The following FDPS variants were observed in gnomAD, a reference collection of about 807,000 sequenced individuals.
FDPS encodes farnesyl diphosphate synthase, also known as farnesyl pyrophosphate synthase.
Under a neutral mutation model 49.5 loss-of-function variants are expected in FDPS, and 29 were observed. The observed-to-expected ratio is 0.59, with a 90% confidence interval of 0.44 to 0.80. The LOEUF is 0.80. Ranked by LOEUF, FDPS falls within the 30% of genes least tolerant of loss-of-function variation. The probability of loss-of-function intolerance (pLI) is 0.00; values close to 1 mark genes in which losing one functional copy is unlikely to be tolerated. For synonymous variants in FDPS, 172 were observed against 206.4 expected, an observed-to-expected ratio of 0.83 and a Z score of 1.43; for missense variants, 414 against 525.6, an observed-to-expected ratio of 0.79 and a Z score of 2.08.
chr1:155,319,901 C>T lies in FDPS; in HGVS notation c.1032C>T (p.Ala344=), dbSNP rs1286445148. The T allele has an allele frequency of 6.2e-7, 1 of 1,614,048 alleles. No homozygotes were observed. Among genetic ancestry groups the T allele is most frequent in the Non-Finnish European group, 8.5e-7 (1 of 1,180,028 alleles). ...SWLVVQCLQR[A]TPEQYQILKE... is the part of the protein sequence containing the mutation. Reference sequence around the variant, plus strand: ...TGGTGGTTCAGTGTCTGCAACGGGCCACTCCAGAACAGTACCAGATCCTGA... The same window carrying T: ...TGGTGGTTCAGTGTCTGCAACGGGCTACTCCAGAACAGTACCAGATCCTGA... Residue 344 remains alanine, a synonymous_variant, in exon 10 of 11, where the codon GCC becomes GCT. Coordinates refer to ENST00000368356, the MANE Select transcript of FDPS (RefSeq NM_002004.4).
At chr1:155,319,031 G>A (rs1033015892) in intron 8 of FDPS, 103 bp downstream of exon 8, 3 of 849,188 alleles carry the variant, frequency 3.5e-6, no homozygotes, top group Non-Finnish European at 5.9e-6. Context: ...GTGAAAAACT[G>A]TGTGACCTTG....
At chr1:155,316,362 T>C (rs547587816) in intron 4 of FDPS, among the ~76,000 whole-genome samples, 1 of 138,304 alleles carries the variant, frequency 7.2e-6, no homozygotes, top group African/African-American at 2.9e-5. Flanking sequence ...TGTGTGCCTA[T>C]ATCCCTAGAT....
chr1:155,311,103 C>T (rs1648752758), intron 3 of FDPS, among the ~76,000 whole-genome samples: 1 of 152,130 alleles, frequency 6.6e-6, no homozygotes, highest in Non-Finnish European at 1.5e-5. Flanking sequence ...CTTTGGGAGG[C>T]TGAGGTGGGG....
Position 155,309,785 on chromosome 1 carries a change from C to T in FDPS, c.-1-4C>T, listed in dbSNP as rs771984313. ...TTAGTGCCCCCTCCCTATGCCACTC[C>T]CAGGATGCCCCTGTCCCGCTGGTTG... is the stretch of plus-strand genomic sequence containing the variant. On this transcript the variant is annotated splice_polypyrimidine_tract_variant and splice_region_variant and intron_variant, in intron 1 of 10. Transcript: ENST00000368356. The T allele has an allele frequency of 2.0e-6, 3 of 1,538,272 alleles. No individual in the cohort carries two copies. In the African/African-American group the frequency reaches 4.1e-5, roughly 21 times the overall value.
At position 155,318,823 on chromosome 1, in the gene FDPS, C is replaced by T. The variant is rs756734644; in HGVS notation, c.774-33C>T. 2 of 1,583,218 alleles carry T rather than the reference C, an allele frequency of 1.3e-6. No individual in the cohort carries two copies. Among genetic ancestry groups the T allele is most frequent in the Non-Finnish European group, 1.7e-6 (2 of 1,151,916 alleles). On this transcript the variant is annotated intron_variant, in intron 7 of 10. Transcript: ENST00000368356. The surrounding 1 kb of genome is among the most constrained non-coding windows in gnomAD (Gnocchi z 4.2). The stretch of plus-strand genomic sequence containing the variant: ...GGGAGGGCTCAGGATGTGCATTGCC[C>T]TCCTGAGGAGTTTCTCTTCTCCCCT...
rs539471943 is a variant in FDPS, at chr1:155,315,969, A to G, written c.481-1972A>G. Among the ~76,000 whole-genome samples, 174 of 152,168 alleles carry G rather than the reference A, an allele frequency of 1.1e-3. 2 individuals carry two copies. Among genetic ancestry groups the G allele is most frequent in the Non-Finnish European group, 1.9e-4 (13 of 67,998 alleles). ...TAATAATAAAAATTAAAACCTGGGT[A>G]TAGGGCCGGGTGCATTGGCTCACAC... On this transcript the variant is annotated intron_variant, in intron 4 of 10. Coordinates refer to ENST00000368356, the MANE Select transcript of FDPS (RefSeq NM_002004.4).
Position 155,308,908 on chromosome 1 carries a change from G to T in FDPS, c.-59G>T. 1 of 180,946 alleles carries T rather than the reference G, an allele frequency of 5.5e-6. No individual in the cohort carries two copies. Among genetic ancestry groups the T allele is most frequent in the Non-Finnish European group, 1.1e-5 (1 of 94,112 alleles). 11.2% of individuals were successfully genotyped at this position (180,946 alleles called of 1,614,324 possible). On this transcript the variant is annotated 5_prime_UTR_variant, in exon 1 of 11. Transcript: ENST00000368356. Reference sequence around the variant, plus strand: ...CAGAGCCGATCGCGGAGCGGATTCTGCTTTTAGGAGTACCCGCCAACAAGC... The same window carrying T: ...CAGAGCCGATCGCGGAGCGGATTCTTCTTTTAGGAGTACCCGCCAACAAGC...
chr1:155,309,443 G>T, intron 1 of FDPS: 1 of 196,498 alleles, frequency 5.1e-6, no homozygotes, highest in Non-Finnish European at 1.0e-5. Context: ...GCCTCAGTTT[G>T]GCTTGTGTAA....
chr1:155,319,668 G>A lies in FDPS; in HGVS notation c.904G>A (p.Gly302Arg). 3 of 1,614,222 alleles carry A rather than the reference G, an allele frequency of 1.9e-6. No homozygotes were observed. The highest frequency in any genetic ancestry group is 2.5e-6 in the Non-Finnish European group (3 of 1,180,040). Residue 302 changes from glycine to arginine, a missense_variant, in exon 9 of 11, where the codon GGG (glycine) becomes AGG (arginine). Physicochemically the swap from Gly to Arg is moderately radical, Grantham distance 125. Coordinates refer to ENST00000368356, the MANE Select transcript of FDPS (RefSeq NM_002004.4). ...TGCCAAGAAGATCCTGCTGGAGATG[G>A]GGGAGTTCTTTCAGATTCAGGTAAG... ...ANAKKILLEM[G>R]EFFQIQDDYL...
intron 3 of FDPS, among the ~76,000 whole-genome samples, chr1:155,311,141 C>T (rs1042631587): frequency 2.0e-5 from 3 of 152,018 alleles, no homozygotes; most frequent in Non-Finnish European, 2.9e-5. Context: ...AGTTCGAGAC[C>T]AGCCTGGTCA....
intron 4 of FDPS, 166 bp from the exon 5 acceptor site, chr1:155,317,775 T>C: frequency 1.7e-6 from 1 of 584,640 alleles, no homozygotes; most frequent in East Asian, 2.9e-5. Flanking sequence ...GCCTGGGAGT[T>C]AGAGGCTACA....
intron 4 of FDPS, 106 bp from the exon 5 acceptor site, chr1:155,317,835 C>T: frequency 1.2e-6 from 1 of 868,820 alleles, no homozygotes; most frequent in Non-Finnish European, 1.8e-6. Context: ...ACTCTGTCCC[C>T]TACCAAAAAA....
chr1:155,310,399 C>G, intron 3 of FDPS, 194 bp downstream of exon 3: 1 of 570,872 alleles, frequency 1.8e-6, no homozygotes, highest in Non-Finnish European at 3.1e-6. Flanking sequence ...CAACCTCCAC[C>G]TCCTGGGTTC....
intron 8 of FDPS, 145 bp from the exon 9 acceptor site, chr1:155,319,466 G>C: frequency 3.8e-6 from 3 of 794,878 alleles, no homozygotes; most frequent in Non-Finnish European, 6.3e-6. Flanking sequence ...CCATCAGTCA[G>C]GACTGTCTAG....
In FDPS at chr1:155,318,194, A is replaced by T; in HGVS notation, c.587A>T (p.Asn196Ile). 1 of 1,614,134 alleles carries T rather than the reference A, an allele frequency of 6.2e-7. No individual in the cohort carries two copies. The highest frequency in any genetic ancestry group is 1.3e-5 in the African/African-American group (1 of 75,032). ...CCGGGCGTGGGTTTGGATGCCATCA[A>T]TGATGCTAACCTCCTGGAAGCATGT... is the stretch of plus-strand genomic sequence containing the variant. Reference protein sequence around the residue: ...QKPGVGLDAINDANLLEACIY... With the variant: ...QKPGVGLDAIIDANLLEACIY... Residue 196 changes from asparagine (N) to isoleucine (I), a missense_variant, in exon 6 of 11, where the codon AAT (asparagine) becomes ATT (isoleucine). Transcript: ENST00000368356. This position sits in a 1 kb window ranked among gnomAD's most constrained non-coding sequence, Gnocchi z 4.2.
At chr1:155,319,049 C>T (rs1023561657) in intron 8 of FDPS, 121 bp downstream of exon 8, 11 of 733,576 alleles carry the variant, frequency 1.5e-5, no homozygotes, top group East Asian at 5.0e-5. Context: ...TTGAGCAAGT[C>T]GGTCTCGCTC....
At position 155,320,424 on chromosome 1, in the gene FDPS, A is replaced by G. The variant is rs1378366565; in HGVS notation, c.1075A>G (p.Lys359Glu). Reference sequence around the variant, plus strand: ...CCTCTTCCAGGAAAATTACGGGCAGAAGGAGGCTGAGAAAGTGGCCCGGGT... The same window carrying G: ...CCTCTTCCAGGAAAATTACGGGCAGGAGGAGGCTGAGAAAGTGGCCCGGGT... ...YQILKENYGQ[K>E]EAEKVARVKA... Residue 359 changes from lysine to glutamate, a missense_variant, in exon 11 of 11, where the codon AAG becomes GAG. By Grantham distance (56) the Lys-to-Glu change is moderately conservative (BLOSUM62 1). Coordinates refer to ENST00000368356, the MANE Select transcript of FDPS (RefSeq NM_002004.4). The G allele has an allele frequency of 6.2e-7, 1 of 1,612,236 alleles. No individual in the cohort carries two copies. The highest frequency in any genetic ancestry group is 1.3e-5 in the African/African-American group (1 of 74,876).
At position 155,312,271 on chromosome 1, in the gene FDPS, C is replaced by T. The variant is rs766748706; in HGVS notation, c.356C>T (p.Ala119Val). ...ARLKEVLEYNAIGGKYNRGLT... is the reference protein window; with the variant it reads ...ARLKEVLEYNVIGGKYNRGLT... ...GCCCTCCAGGTCCTGGAGTACAATG[C>T]CATTGGAGGCAAGTATAACCGGGGT... Residue 119 changes from alanine to valine, a missense_variant, in exon 4 of 11, where the codon GCC (alanine) becomes GTC (valine). Ala to Val is a moderately conservative substitution (Grantham distance 64). Coordinates refer to ENST00000368356, the MANE Select transcript of FDPS (RefSeq NM_002004.4). 8 of 1,614,030 alleles carry T rather than the reference C, an allele frequency of 5.0e-6. No homozygotes were observed. The East Asian group carries it at 8.9e-5, about 18-fold the overall frequency.
Position 155,308,888 on chromosome 1 carries a change from C to A in FDPS, c.-79C>A. ...AGCGGGAACTACTCGACCCACAGAGCCGATCGCGGAGCGGATTCTGCTTTT... is the reference window on the plus strand; with the variant it reads ...AGCGGGAACTACTCGACCCACAGAGACGATCGCGGAGCGGATTCTGCTTTT... On this transcript the variant is annotated 5_prime_UTR_variant, in exon 1 of 11. Coordinates refer to ENST00000368356, the MANE Select transcript of FDPS (RefSeq NM_002004.4). The A allele has an allele frequency of 8.1e-6, 2 of 246,406 alleles. No homozygotes were observed. The highest frequency in any genetic ancestry group is 1.3e-5 in the Non-Finnish European group (2 of 153,964). 15.3% of individuals were successfully genotyped at this position (246,406 alleles called of 1,614,324 possible).
Sources: gnomAD v4.1 joint callset for allele counts (sites outside exome capture counted in the v4.1 genomes callset) on GRCh38, gnomAD v4.1.1 for gene constraint, Gnocchi (gnomAD v3.1) non-coding constraint, MANE v1.5 for transcripts, NCBI Gene and HGNC (gene_info 2026-07-23, HGNC 2026-07-21) for gene names.